ZBTB20: variants seen among roughly 807,000 people sequenced by gnomAD.
The protein encoded by ZBTB20 is zinc finger and BTB domain-containing protein 20.
In ZBTB20, 9 loss-of-function variants were observed where a neutral mutation model predicts 56.9. The observed-to-expected ratio is 0.16, with a 90% CI of 0.10 to 0.28. ZBTB20 has a LOEUF of 0.28. ZBTB20 is among the 10% of genes least tolerant of loss of function. The pLI, the probability that ZBTB20 is intolerant of heterozygous loss-of-function variation, is 1.00. For missense variants in ZBTB20, 655 were observed against 1,003.0 expected (o/e 0.65, Z 4.69); for synonymous variants, 417 against 420.7 (o/e 0.99, Z 0.11).
At chr3:114,582,638 C>T (rs2054768152) in intron 6 of ZBTB20, among the ~76,000 whole-genome samples, 1 of 152,198 alleles carries the variant, frequency 6.6e-6, no homozygotes, top group Admixed American at 6.5e-5. Flanking sequence ...CTTTGGCCTC[C>T]TAAAGTGCCG....
intron 1 of ZBTB20, among the ~76,000 whole-genome samples, chr3:115,112,987 C>T (rs979199670): frequency 6.6e-6 from 1 of 152,124 alleles, no homozygotes; most frequent in African/African-American, 2.4e-5. Flanking sequence ...AATAGCCATT[C>T]TGACCAGTGT....
intron 6 of ZBTB20, among the ~76,000 whole-genome samples, chr3:114,573,098 A>G (rs1160329287): frequency 6.6e-6 from 1 of 152,212 alleles, no homozygotes; most frequent in Non-Finnish European, 1.5e-5. Flanking sequence ...AGAGAGGATG[A>G]TCCCATATAC....
At chr3:115,123,919 C>T (rs2084251978) in intron 1 of ZBTB20, among the ~76,000 whole-genome samples, 1 of 152,142 alleles carries the variant, frequency 6.6e-6, no homozygotes, top group Non-Finnish European at 1.5e-5. Context: ...AGGCAGCATT[C>T]CTTAGCACTA....
At chr3:114,555,890 C>T (rs780725916) in intron 6 of ZBTB20, among the ~76,000 whole-genome samples, 4 of 152,088 alleles carry the variant, frequency 2.6e-5, no homozygotes, top group Non-Finnish European at 4.4e-5. Context: ...CATGTGAGTA[C>T]TAGATTTGGA....
Position 114,974,382 on chromosome 3 carries a change from C to A in ZBTB20, c.-472G>T, listed in dbSNP as rs528955797. 3.3e-5 allele frequency: 5 copies of A among 152,118 alleles called. No individual in the cohort carries two copies. In the East Asian group the frequency reaches 9.7e-4, roughly 29 times the overall value. 9.4% of individuals were successfully genotyped at this position (152,118 alleles called of 1,614,324 possible). On this transcript the variant is annotated 5_prime_UTR_variant, in exon 3 of 12. Transcript: ENST00000675478. ...GGACATTACCTTCAGCCTTCAGAGTCCCAAAGGCAATTCTTAACACTTCTT... is the reference window on the plus strand; with the variant it reads ...GGACATTACCTTCAGCCTTCAGAGTACCAAAGGCAATTCTTAACACTTCTT...
rs115612523 is a variant in ZBTB20, at chr3:115,045,073, A to G, written c.-507+26146T>C. 2.5e-3 allele frequency among the ~76,000 whole-genome samples: 380 copies of G among 152,318 alleles called. 2 individuals carry two copies. Among genetic ancestry groups the G allele is most frequent in the African/African-American group, 8.3e-3 (347 of 41,576 alleles). ...CATAGGAAATACAGCAGCAAATCAT[A>G]CTTAGCATTCCTGTGATAGATGTTA... On this transcript the variant is annotated intron_variant, in intron 2 of 11. Transcript: ENST00000675478.
At chr3:114,927,110 C>T (rs561184114) in intron 3 of ZBTB20, among the ~76,000 whole-genome samples, 4 of 152,252 alleles carry the variant, frequency 2.6e-5, no homozygotes, top group African/African-American at 9.6e-5. Flanking sequence ...AACCTGCTTC[C>T]CATTCTATTC....
intron 6 of ZBTB20, among the ~76,000 whole-genome samples, chr3:114,661,180 T>C (rs1391105701): frequency 6.6e-6 from 1 of 151,984 alleles, no homozygotes; most frequent in Non-Finnish European, 1.5e-5. Flanking sequence ...TTGATCTACC[T>C]CAACATTTGG....
Position 114,351,261 on chromosome 3 carries a change from C to G in ZBTB20, c.817G>C (p.Ala273Pro). The G allele has an allele frequency of 6.2e-7, 1 of 1,601,302 alleles. No homozygotes were observed. The highest frequency in any genetic ancestry group is 1.1e-5 in the South Asian group (1 of 91,010). The change falls in exon 11 of 12, where the codon GCG (alanine) becomes CCG (proline). Residue 273 changes from alanine (A) to proline (P), a missense_variant. Ala to Pro is a conservative substitution (Grantham distance 27). Around this residue, in one of 10 missense-constraint regions of ZBTB20, gnomAD observed 167 missense variants for 281.9 expected, o/e 0.59. Coordinates refer to ENST00000675478, the MANE Select transcript of ZBTB20 (RefSeq NM_001348800.3). The stretch of plus-strand genomic sequence containing the variant: ...TGGTGGTCGCGGGGCAGGCCGAGCG[C>G]AGTCTCGTGGTGGCTGACCACTGCG... ...SGAVVSHHET[A>P]LGLPRDHHME...
intron 4 of ZBTB20, among the ~76,000 whole-genome samples, chr3:114,862,454 A>G (rs2075577617): frequency 6.6e-6 from 1 of 151,784 alleles, no homozygotes; most frequent in Admixed American, 6.6e-5. Context: ...GTTTTGGGAT[A>G]TGAAGTCACC....
At chr3:115,076,978 T>C (rs2082619257) in intron 1 of ZBTB20, among the ~76,000 whole-genome samples, 1 of 152,172 alleles carries the variant, frequency 6.6e-6, no homozygotes, top group South Asian at 2.1e-4. Context: ...GAGAATCTCA[T>C]GCCACTGCTG....
intron 11 of ZBTB20, among the ~76,000 whole-genome samples, chr3:114,347,626 C>T (rs1273475032): frequency 6.6e-6 from 1 of 152,128 alleles, no homozygotes; most frequent in Non-Finnish European, 1.5e-5. Flanking sequence ...CCACATGTTC[C>T]GGCTGTCTTG....
At chr3:114,671,434 G>A (rs1000126043) in intron 6 of ZBTB20, among the ~76,000 whole-genome samples, 1 of 152,042 alleles carries the variant, frequency 6.6e-6, no homozygotes, top group African/African-American at 2.4e-5. Context: ...TCTAGCCTAG[G>A]TATAAAATAA....
intron 7 of ZBTB20, among the ~76,000 whole-genome samples, chr3:114,461,303 C>T (rs868841544): frequency 7.3e-5 from 11 of 151,268 alleles, no homozygotes; most frequent in East Asian, 2.0e-4. Flanking sequence ...TCCTCCCCCC[C>T]CCCTCTTTTT....
At chr3:114,892,375 C>T (rs1478625311) in intron 4 of ZBTB20, among the ~76,000 whole-genome samples, 6 of 152,168 alleles carry the variant, frequency 3.9e-5, no homozygotes, top group Non-Finnish European at 2.9e-5. Context: ...CCACAGGCTA[C>T]CCAGTTGTCT....
Position 114,942,651 on chromosome 3 carries a change from A to T in ZBTB20, c.-456+31715T>A, listed in dbSNP as rs926271443. On this transcript the variant is annotated intron_variant, in intron 3 of 11. Transcript: ENST00000675478. Reference sequence around the variant, plus strand: ...AAGATGAATAAAATGAAATTATTTTAAAAACTGTTTGAAGGCACCAGGCAC... The same window carrying T: ...AAGATGAATAAAATGAAATTATTTTTAAAACTGTTTGAAGGCACCAGGCAC... Among the ~76,000 whole-genome samples, 4 of 146,124 alleles carry T rather than the reference A, an allele frequency of 2.7e-5. No homozygotes were observed. The East Asian group carries it at 7.7e-4, about 28-fold the overall frequency.
intron 6 of ZBTB20, among the ~76,000 whole-genome samples, chr3:114,566,011 T>C (rs1411389925): frequency 3.5e-5 from 5 of 142,372 alleles, no homozygotes; most frequent in African/African-American, 8.3e-5. Flanking sequence ...TTTCTTTTTT[T>C]TTCTTTTTTT....
intron 7 of ZBTB20, among the ~76,000 whole-genome samples, chr3:114,472,320 A>G (rs1453475164): frequency 6.6e-6 from 1 of 152,214 alleles, no homozygotes; most frequent in Non-Finnish European, 1.5e-5. Context: ...ACCTGTTTTT[A>G]CAGTCTAGGT....
intron 5 of ZBTB20, among the ~76,000 whole-genome samples, chr3:114,767,333 AAC>A (rs1229590418): frequency 6.6e-6 from 1 of 152,096 alleles, no homozygotes; most frequent in African/African-American, 2.4e-5. Flanking sequence ...ACTTCTGCAG[AAC>A]AGAGTAGGAT....
Sources: gnomAD v4.1 joint callset for allele counts (sites outside exome capture counted in the v4.1 genomes callset) on GRCh38, gnomAD v4.1.1 for gene constraint, gnomAD v4.1.1 regional missense constraint, MANE v1.5 for transcripts, NCBI Gene and HGNC (gene_info 2026-07-23, HGNC 2026-07-21) for gene names.